The following IDE variants were observed in gnomAD, a reference collection of about 807,000 sequenced individuals.
The protein encoded by IDE is insulin-degrading enzyme.
Under a neutral mutation model 133.2 loss-of-function variants are expected in IDE, and 58 were observed. The ratio of observed to expected loss-of-function variants is 0.44; its 90% CI spans 0.35 to 0.54. The LOEUF is 0.54. IDE is among the 20% of genes least tolerant of loss of function. IDE has a pLI of 0.00. For missense variants in IDE, 981 were observed against 1,234.0 expected (o/e 0.79, Z 3.07); for synonymous variants, 396 against 421.3 (o/e 0.94, Z 0.73).
chr10:92,487,940 G>A (rs1018757669), intron 12 of IDE, among the ~76,000 whole-genome samples: 2 of 152,036 alleles, frequency 1.3e-5, no homozygotes, highest in African/African-American at 4.8e-5. Context: ...GGGACTACAG[G>A]TGTGTGCCAC....
intron 6 of IDE, 74 bp downstream of exon 6, chr10:92,509,976 C>A: frequency 1.6e-6 from 1 of 628,658 alleles, no homozygotes; most frequent in Non-Finnish European, 2.7e-6. Context: ...AAATTTTCAC[C>A]TGTTCTATGG....
chr10:92,507,630 T>C lies in IDE; in HGVS notation c.1190A>G (p.Tyr397Cys), dbSNP rs776060091. The C allele has an allele frequency of 6.2e-7, 1 of 1,606,478 alleles. No individual in the cohort carries two copies. The highest frequency in any genetic ancestry group is 1.7e-5 in the Admixed American group (1 of 60,018). ...TCCTTCTGCACGTAACTTCTGAATG[T>C]ATTGAAACATGTGCAAAATTATATC... ...VEDIILHMFQ[Y>C]IQKLRAEGPQ... The change falls in exon 9 of 25, where the codon TAC becomes TGC. Residue 397 changes from tyrosine (Y) to cysteine (C), a missense_variant. This residue lies in a region of IDE where 660 missense variants were observed against 894.7 expected (regional missense o/e 0.74). Coordinates refer to ENST00000265986, the MANE Select transcript of IDE (RefSeq NM_004969.4).
chr10:92,533,019 G>C (rs1850030547), intron 3 of IDE, among the ~76,000 whole-genome samples: 1 of 152,156 alleles, frequency 6.6e-6, no homozygotes, highest in African/African-American at 2.4e-5. Context: ...GAAAACAGAT[G>C]ATTTCTGGTC....
At chr10:92,502,749 G>A (rs916148366) in intron 11 of IDE, among the ~76,000 whole-genome samples, 5 of 152,112 alleles carry the variant, frequency 3.3e-5, no homozygotes, top group African/African-American at 9.7e-5. Context: ...AGATTTCTTC[G>A]TTTTTCAATT....
chr10:92,461,206 G>T lies in IDE; in HGVS notation c.2808C>A (p.Ile936=). The change falls in exon 22 of 25, where the codon ATC becomes ATA. Residue 936 remains isoleucine, a synonymous_variant. Coordinates refer to ENST00000265986, the MANE Select transcript of IDE (RefSeq NM_004969.4). ...AYLKTLTKED[I]IKFYKEMLAV... ...TTTGACTTACCTTGTAGAATTTGATGATATCTTCCTTGGTAAGTGTCTTTA... is the reference window on the plus strand; with the variant it reads ...TTTGACTTACCTTGTAGAATTTGATTATATCTTCCTTGGTAAGTGTCTTTA... The T allele has an allele frequency of 7.0e-7, 1 of 1,434,330 alleles. No individual in the cohort carries two copies. The highest frequency in any genetic ancestry group is 9.8e-7 in the Non-Finnish European group (1 of 1,017,824). 88.9% of individuals were successfully genotyped at this position (1,434,330 alleles called of 1,614,324 possible). A position where few individuals can be genotyped will look rare whatever the true frequency, so the allele number is the denominator to read the frequency against.
chr10:92,554,723 T>G (rs1370755460), intron 1 of IDE: 1 of 152,258 alleles, frequency 6.6e-6, no homozygotes, highest in African/African-American at 2.4e-5. Context: ...GGCACATGCC[T>G]GTAATCCCAG....
chr10:92,503,305 T>C (rs1266541089), intron 11 of IDE, among the ~76,000 whole-genome samples: 1 of 152,134 alleles, frequency 6.6e-6, no homozygotes, highest in Non-Finnish European at 1.5e-5. Context: ...TCTGTACTCA[T>C]CCAAACACTG....
chr10:92,568,538 G>A (rs140823260), intron 1 of IDE, among the ~76,000 whole-genome samples: 53 of 152,240 alleles, frequency 3.5e-4, no homozygotes, highest in South Asian at 6.2e-4. Context: ...TAATACAGCC[G>A]GGCACGGTGG....
chr10:92,473,166 G>A (rs544895319), intron 17 of IDE, among the ~76,000 whole-genome samples: 59 of 151,906 alleles, frequency 3.9e-4, no homozygotes, highest in African/African-American at 1.4e-3. Context: ...TCCTGACCTC[G>A]TGATCCGCCT....
rs775081692 is a variant in IDE at position 92,573,998 on chromosome 10, G to A, written c.22C>T (p.Leu8Phe). The change falls in exon 1 of 25, where the codon CTT (leucine) becomes TTT (phenylalanine). Residue 8 changes from leucine (L) to phenylalanine (F), a missense_variant. By Grantham distance (22) the Leu-to-Phe change is conservative. This residue lies in a region of IDE where 321 missense variants were observed against 339.3 expected (regional missense o/e 0.95). Transcript: ENST00000265986. MRYRLAW[L>F]LHPALPSTFR... ...GTGCTGGGCAGTGCGGGGTGCAGAAGCCACGCTAGCCGGTACCGCATTAGC... is the reference window on the plus strand; with the variant it reads ...GTGCTGGGCAGTGCGGGGTGCAGAAACCACGCTAGCCGGTACCGCATTAGC... The A allele has an allele frequency of 6.0e-6, 9 of 1,510,808 alleles. No homozygotes were observed. The highest frequency in any genetic ancestry group is 1.3e-5 in the South Asian group (1 of 79,950). The allele number at this position is 1,510,808 out of a possible 1,614,324, so 93.6% of individuals were successfully genotyped here. A position where few individuals can be genotyped will look rare whatever the true frequency, so the allele number is the denominator to read the frequency against.
chr10:92,468,642 C>CAGTATCATTCCAGTACTTCA (rs1164492878), intron 19 of IDE, among the ~76,000 whole-genome samples: 4 of 152,078 alleles, frequency 2.6e-5, no homozygotes, highest in Non-Finnish European at 4.4e-5. Flanking sequence ...TTCAAGTACC[C>CAGTATCATTCCAGTACTTCA]GTCAATTCCA....
At chr10:92,554,803 C>T (rs117000799) in intron 1 of IDE, 3,171 of 151,992 alleles carry the variant, frequency 0.021, 49 homozygotes, top group Admixed American at 0.052. Flanking sequence ...GCCAAGATCT[C>T]ACCACTGTAC....
intron 5 of IDE, 56 bp downstream of exon 5, chr10:92,514,864 G>A: frequency 6.8e-7 from 1 of 1,460,986 alleles, no homozygotes; most frequent in Non-Finnish European, 9.4e-7. Flanking sequence ...CTGTGAAAAA[G>A]CCAACATTAA....
chr10:92,468,103 G>A (rs753403390), intron 19 of IDE, among the ~76,000 whole-genome samples: 10 of 152,270 alleles, frequency 6.6e-5, no homozygotes, highest in African/African-American at 1.2e-4. Context: ...AAGTTTAGTG[G>A]AATAAGTAGC....
At chr10:92,527,485 G>T (rs866298751) in intron 4 of IDE, among the ~76,000 whole-genome samples, 3 of 151,962 alleles carry the variant, frequency 2.0e-5, no homozygotes, top group Admixed American at 6.6e-5. Context: ...AAAACTTACA[G>T]GACTTTCAAC....
In IDE at chr10:92,484,850, T is replaced by C. The variant is rs538754519; in HGVS notation, c.1657-1513A>G. 2.6e-5 allele frequency among the ~76,000 whole-genome samples: 4 copies of C among 151,660 alleles called. No individual in the cohort carries two copies. The South Asian group carries it at 8.4e-4, about 32-fold the overall frequency. On this transcript the variant is annotated intron_variant, in intron 13 of 24. Coordinates refer to ENST00000265986, the MANE Select transcript of IDE (RefSeq NM_004969.4). The stretch of plus-strand genomic sequence containing the variant: ...AGGCAGGATCGCTTGAGCCTAGGAG[T>C]TTGAGATCGGCCTGGGCAACATAGT...
chr10:92,479,465 C>T, intron 14 of IDE, 44 bp from the exon 15 acceptor site: 1 of 1,505,256 alleles, frequency 6.6e-7, no homozygotes, highest in Non-Finnish European at 9.2e-7. Flanking sequence ...TTTATTACTT[C>T]TCAATGTGAT....
rs562368597 is a variant in IDE at position 92,528,024 on chromosome 10, A to T, written c.661+3724T>A. Among the ~76,000 whole-genome samples the T allele has an allele frequency of 4.6e-5, 7 of 152,294 alleles. No homozygotes were observed. The South Asian group carries it at 1.4e-3, about 32-fold the overall frequency. On this transcript the variant is annotated intron_variant, in intron 4 of 24. Coordinates refer to ENST00000265986, the MANE Select transcript of IDE (RefSeq NM_004969.4). Reference sequence around the variant, plus strand: ...TTAGTGTGTTTGTCTTCTTTCTGGCAACCTTGCTGAATTATTTTTAATGAC... The same window carrying T: ...TTAGTGTGTTTGTCTTCTTTCTGGCTACCTTGCTGAATTATTTTTAATGAC...
intron 20 of IDE, among the ~76,000 whole-genome samples, chr10:92,464,413 C>A (rs1249213421): frequency 2.0e-5 from 3 of 152,160 alleles, no homozygotes; most frequent in African/African-American, 7.2e-5. Flanking sequence ...GAACACGGCT[C>A]TCCTACTGTA....
Sources: allele counts gnomAD v4.1 joint callset (sites outside exome capture counted in the v4.1 genomes callset), GRCh38; gene constraint gnomAD v4.1.1; regional missense constraint gnomAD v4.1.1; transcripts MANE v1.5; gene names NCBI Gene and HGNC (gene_info 2026-07-23, HGNC 2026-07-21).